The following SLC24A3 variants were observed in gnomAD, a reference collection of about 807,000 sequenced individuals.
SLC24A3 encodes solute carrier family 24 member 3.
In SLC24A3, 28 loss-of-function variants were observed where a neutral mutation model predicts 75.8. That is an observed-to-expected ratio of 0.37 (90% CI 0.27 to 0.51). The LOEUF is 0.51. SLC24A3 is among the 20% of genes least tolerant of loss of function. The probability of loss-of-function intolerance (pLI) is 0.94; values close to 1 mark genes in which losing one functional copy is unlikely to be tolerated. For synonymous variants in SLC24A3, 372 were observed against 334.1 expected (o/e 1.11, Z -1.24); for missense variants, 663 against 847.8 (o/e 0.78, Z 2.71).
intron 2 of SLC24A3, 76 bp downstream of exon 2, chr20:19,281,163 T>C: frequency 1.3e-6 from 2 of 1,573,782 alleles, no homozygotes; most frequent in Non-Finnish European, 1.7e-6. Flanking sequence ...AGCTGCTGTG[T>C]GTTTTCTTAG....
chr20:19,535,328 T>C (rs139035926), intron 3 of SLC24A3, among the ~76,000 whole-genome samples: 258 of 152,360 alleles, frequency 1.7e-3, no homozygotes, highest in African/African-American at 5.9e-3. Context: ...CTCATGTTTC[T>C]GTAGTCAGCT....
intron 2 of SLC24A3, among the ~76,000 whole-genome samples, chr20:19,402,351 A>C (rs1035032236): frequency 3.3e-5 from 5 of 152,218 alleles, no homozygotes; most frequent in Admixed American, 2.6e-4. Flanking sequence ...GTGAAGGATG[A>C]ATGGAGATAT....
intron 2 of SLC24A3, among the ~76,000 whole-genome samples, chr20:19,507,262 C>T (rs1047961076): frequency 6.6e-5 from 10 of 152,174 alleles, no homozygotes; most frequent in Admixed American, 1.3e-4. Flanking sequence ...CCTCCCTCCC[C>T]CAGTCTACTG....
At chr20:19,411,613 C>T (rs1174571163) in intron 2 of SLC24A3, among the ~76,000 whole-genome samples, 1 of 152,160 alleles carries the variant, frequency 6.6e-6, no homozygotes, top group Non-Finnish European at 1.5e-5. Context: ...GTCAAATAAG[C>T]TTGAGTGATT....
At chr20:19,216,020 T>G (rs73277065) in intron 1 of SLC24A3, among the ~76,000 whole-genome samples, 1,922 of 152,308 alleles carry the variant, frequency 0.013, 36 homozygotes, top group African/African-American at 0.044. Flanking sequence ...AATGCGCTAT[T>G]CCCACCTTAT....
intron 2 of SLC24A3, among the ~76,000 whole-genome samples, chr20:19,485,086 T>C (rs983729274): frequency 7.2e-5 from 11 of 152,194 alleles, no homozygotes; most frequent in Non-Finnish European, 1.6e-4. Context: ...GGTGTGAAAT[T>C]GGTATAAGCC....
intron 3 of SLC24A3, among the ~76,000 whole-genome samples, chr20:19,568,002 G>A (rs1364083229): frequency 6.6e-6 from 1 of 152,050 alleles, no homozygotes; most frequent in Admixed American, 6.6e-5. Flanking sequence ...GCAAAAAAAT[G>A]ATATATAAAT....
At chr20:19,435,139 G>A (rs1987176095) in intron 2 of SLC24A3, among the ~76,000 whole-genome samples, 1 of 152,180 alleles carries the variant, frequency 6.6e-6, no homozygotes, top group African/African-American at 2.4e-5. Flanking sequence ...GCACAATGGA[G>A]AGAGAACAGG....
At chr20:19,611,960 C>A (rs6136792) in intron 6 of SLC24A3, among the ~76,000 whole-genome samples, 1 of 152,068 alleles carries the variant, frequency 6.6e-6, no homozygotes, top group Non-Finnish European at 1.5e-5. Flanking sequence ...CCCTGCCTGC[C>A]CACCTTGGTT....
intron 2 of SLC24A3, among the ~76,000 whole-genome samples, chr20:19,346,443 TACAC>T (rs1309320983): frequency 6.7e-6 from 1 of 148,822 alleles, no homozygotes; most frequent in African/African-American, 2.5e-5. Context: ...GGTGTATATA[TACAC>T]ACACCATATA....
intron 3 of SLC24A3, among the ~76,000 whole-genome samples, chr20:19,543,060 A>C (rs1281377011): frequency 1.3e-5 from 2 of 152,238 alleles, no homozygotes; most frequent in Non-Finnish European, 2.9e-5. Context: ...TGCTCAGTAC[A>C]CATGGGATTT....
chr20:19,312,280 C>T (rs540407981), intron 2 of SLC24A3, among the ~76,000 whole-genome samples: 4 of 152,238 alleles, frequency 2.6e-5, no homozygotes, highest in African/African-American at 4.8e-5. Context: ...CAGACTTCAT[C>T]GGTGGGTAGC....
Position 19,684,383 on chromosome 20 carries a change from ACT to A in SLC24A3, c.1062+50_1062+51del, listed in dbSNP as rs572673480. 1,082 of 1,567,874 alleles carry A rather than the reference ACT, an allele frequency of 6.9e-4. 13 individuals carry two copies. In the African/African-American group the frequency reaches 0.013, roughly 18 times the overall value. On this transcript the variant is annotated intron_variant, in intron 11 of 16. Transcript: ENST00000328041. ...ACTGCCCACTGGACAGGGGTGGGAA[ACT>A]CTGGGAAGGAGAGAAGGTTTCTTGT...
In SLC24A3 at chr20:19,313,398, G is replaced by A. The variant is rs920775258; in HGVS notation, c.271+32311G>A. Among the ~76,000 whole-genome samples the A allele has an allele frequency of 2.0e-4, 30 of 151,984 alleles. 1 individual carries two copies. The highest frequency in any genetic ancestry group is 5.1e-4 in the African/African-American group (21 of 41,370). ...GAGACGAAATGAAGCATGTTGTTTC[G>A]GAGCTGCTCCTCCACCCAGAGATGG... On this transcript the variant is annotated intron_variant, in intron 2 of 16. Coordinates refer to ENST00000328041, the MANE Select transcript of SLC24A3 (RefSeq NM_020689.4).
chr20:19,565,108 A>G (rs2030934327), intron 3 of SLC24A3, among the ~76,000 whole-genome samples: 1 of 152,176 alleles, frequency 6.6e-6, no homozygotes, highest in Non-Finnish European at 1.5e-5. Context: ...CCCGGCTTCC[A>G]TCCTCTCATT....
intron 10 of SLC24A3, among the ~76,000 whole-genome samples, chr20:19,682,900 T>A (rs773399978): frequency 2.2e-4 from 34 of 152,184 alleles, no homozygotes; most frequent in Non-Finnish European, 4.3e-4. Context: ...AAATATATAA[T>A]ATTTTTTCTA....
chr20:19,474,225 G>T (rs759763488), intron 2 of SLC24A3, among the ~76,000 whole-genome samples: 1 of 152,142 alleles, frequency 6.6e-6, no homozygotes, highest in African/African-American at 2.4e-5. Flanking sequence ...ACAGCAGGAC[G>T]GTGTGCACAT....
intron 2 of SLC24A3, among the ~76,000 whole-genome samples, chr20:19,305,874 C>G (rs370157740): frequency 1.3e-5 from 2 of 152,094 alleles, no homozygotes; most frequent in African/African-American, 4.8e-5. Context: ...CAAAAATTGA[C>G]AAGTGAGATC....
At chr20:19,700,515 G>A (rs2032858232) in intron 15 of SLC24A3, among the ~76,000 whole-genome samples, 1 of 152,208 alleles carries the variant, frequency 6.6e-6, no homozygotes, top group Non-Finnish European at 1.5e-5. Context: ...TTAGTGTTGT[G>A]CCTGAAATTC....
Sources: allele counts gnomAD v4.1 joint callset (sites outside exome capture counted in the v4.1 genomes callset), GRCh38; gene constraint gnomAD v4.1.1; transcripts MANE v1.5; gene names NCBI Gene and HGNC (gene_info 2026-07-23, HGNC 2026-07-21).